PDE4D: variants seen among roughly 807,000 people sequenced by gnomAD.
PDE4D encodes phosphodiesterase 4D, also known as 3',5'-cyclic-AMP phosphodiesterase 4D.
In PDE4D, 24 loss-of-function variants were observed where a neutral mutation model predicts 87.4. The ratio of observed to expected loss-of-function variants is 0.27; its 90% confidence interval spans 0.20 to 0.39. The LOEUF is 0.39. Among genes scored for constraint, PDE4D ranks in the 10% least tolerant of loss-of-function variants. The pLI, the probability that PDE4D is intolerant of heterozygous loss-of-function variation, is 1.00. For missense variants in PDE4D, 714 were observed against 1,041.0 expected (o/e 0.69, Z 4.32); for synonymous variants, 384 against 383.2 (o/e 1.00, Z -0.02).
At chr5:60,474,105 C>CATATATATATATGTGTATAT (rs1491252291) in intron 1 of PDE4D, among the ~76,000 whole-genome samples, 17 of 30,998 alleles carry the variant, frequency 5.5e-4, no homozygotes, top group East Asian at 2.2e-3. Context: ...TTTGAGCTGC[C>CATATATATATATGTGTATAT]ATATATATAT....
chr5:59,120,816 A>AACAG (rs760748279), intron 5 of PDE4D, among the ~76,000 whole-genome samples: 2 of 152,230 alleles, frequency 1.3e-5, no homozygotes, highest in Non-Finnish European at 2.9e-5. Context: ...ATGGTATAAA[A>AACAG]ACAGACACAT....
At chr5:60,286,428 C>G (rs1287459626) in intron 1 of PDE4D, among the ~76,000 whole-genome samples, 1 of 152,156 alleles carries the variant, frequency 6.6e-6, no homozygotes, top group East Asian at 1.9e-4. Context: ...TAAAGATAGA[C>G]AGACATTTGT....
chr5:60,218,594 C>T (rs1345501365), intron 1 of PDE4D, among the ~76,000 whole-genome samples: 1 of 151,898 alleles, frequency 6.6e-6, no homozygotes, highest in Non-Finnish European at 1.5e-5. Flanking sequence ...AGTGTAAGAG[C>T]CCAGAAGAGA....
chr5:59,893,214 T>TCAGGC lies in PDE4D; in HGVS notation c.404_408dup (p.Lys137AlafsTer2). ...GAGGGCCAGGACATCCTGGATTTCT[T>TCAGGC]CAGGCCGGGCCGGTGGCCGGTCTCC... On this transcript the variant is annotated frameshift_variant, in exon 1 of 15. Transcript: ENST00000340635. LOFTEE classifies it high-confidence loss of function. The TCAGGC allele has an allele frequency of 6.4e-7, 1 of 1,563,776 alleles. No homozygotes were observed. The highest frequency in any genetic ancestry group is 8.7e-7 in the Non-Finnish European group (1 of 1,153,824).
intron 1 of PDE4D, among the ~76,000 whole-genome samples, chr5:59,611,569 G>T (rs997175356): frequency 3.3e-5 from 5 of 152,120 alleles, no homozygotes; most frequent in Admixed American, 2.6e-4. Flanking sequence ...CTTCTTAAGG[G>T]CAGGGTTTAC....
intron 1 of PDE4D, among the ~76,000 whole-genome samples, chr5:59,378,663 G>T (rs951726795): frequency 6.6e-6 from 1 of 152,186 alleles, no homozygotes; most frequent in Admixed American, 6.5e-5. Flanking sequence ...CAACATTTTA[G>T]AGGATAATTC....
At chr5:59,880,148 C>T (rs1358928608) in intron 1 of PDE4D, among the ~76,000 whole-genome samples, 1 of 152,056 alleles carries the variant, frequency 6.6e-6, no homozygotes, top group Non-Finnish European at 1.5e-5. Flanking sequence ...TTTGCCCAGG[C>T]TGGATTGCGC....
intron 2 of PDE4D, among the ~76,000 whole-genome samples, chr5:60,125,116 A>G (rs894274160): frequency 2.6e-5 from 4 of 152,190 alleles, no homozygotes; most frequent in African/African-American, 9.6e-5. Flanking sequence ...TACCCAAATT[A>G]GATTTGTAAA....
chr5:59,690,945 T>G (rs983536057), intron 1 of PDE4D, among the ~76,000 whole-genome samples: 17 of 152,322 alleles, frequency 1.1e-4, no homozygotes, highest in Non-Finnish European at 2.1e-4. Flanking sequence ...AAGACATTTA[T>G]GCAGCCAACA....
intron 1 of PDE4D, among the ~76,000 whole-genome samples, chr5:59,308,655 G>C (rs921934445): frequency 6.6e-6 from 1 of 151,904 alleles, no homozygotes; most frequent in African/African-American, 2.4e-5. Context: ...TCTGGTGCAG[G>C]GGGTAGGGGT....
chr5:60,320,195 C>A (rs939779940), intron 1 of PDE4D, among the ~76,000 whole-genome samples: 1 of 152,222 alleles, frequency 6.6e-6, no homozygotes, highest in African/African-American at 2.4e-5. Flanking sequence ...GAGCCCCTCC[C>A]CCAGCCTTGC....
chr5:59,166,638 A>C (rs1257274550), intron 5 of PDE4D, among the ~76,000 whole-genome samples: 1 of 152,222 alleles, frequency 6.6e-6, no homozygotes, highest in Admixed American at 6.5e-5. Context: ...TTGCCTTAAA[A>C]GTCCATGTGA....
intron 1 of PDE4D, among the ~76,000 whole-genome samples, chr5:59,889,059 T>G (rs1021574080): frequency 2.0e-5 from 3 of 151,712 alleles, no homozygotes; most frequent in Non-Finnish European, 2.9e-5. Flanking sequence ...AAGCTCCATC[T>G]CTACTAAAAA....
chr5:59,087,425 G>T (rs1767909570), intron 5 of PDE4D, among the ~76,000 whole-genome samples: 1 of 152,082 alleles, frequency 6.6e-6, no homozygotes, highest in African/African-American at 2.4e-5. Flanking sequence ...GGTCAAGGCT[G>T]CAATGAGCCA....
chr5:59,574,630 C>T (rs1389164728), intron 1 of PDE4D, among the ~76,000 whole-genome samples: 1 of 152,082 alleles, frequency 6.6e-6, no homozygotes, highest in African/African-American at 2.4e-5. Context: ...GTATGAAACC[C>T]TCGAATGCTT....
At chr5:59,065,194 A>G (rs533511105) in intron 5 of PDE4D, among the ~76,000 whole-genome samples, 3 of 151,990 alleles carry the variant, frequency 2.0e-5, no homozygotes, top group African/African-American at 7.2e-5. Flanking sequence ...GTTGGATGGA[A>G]CTGGAGGACA....
intron 5 of PDE4D, among the ~76,000 whole-genome samples, chr5:59,065,123 CATAT>C (rs1314485717): frequency 1.5e-5 from 2 of 136,422 alleles, no homozygotes; most frequent in African/African-American, 5.9e-5. Flanking sequence ...CACACACACA[CATAT>C]ACAATGAAAT....
intron 1 of PDE4D, among the ~76,000 whole-genome samples, chr5:59,404,148 T>C (rs1338951787): frequency 1.3e-5 from 2 of 152,194 alleles, no homozygotes; most frequent in Non-Finnish European, 2.9e-5. Context: ...TTTAATTGGA[T>C]TATCAGATTT....
At chr5:59,684,458 T>G (rs1749532921) in intron 1 of PDE4D, among the ~76,000 whole-genome samples, 1 of 152,178 alleles carries the variant, frequency 6.6e-6, no homozygotes, top group Non-Finnish European at 1.5e-5. Context: ...CAAGAATTTT[T>G]GAATTACAAA....
Sources: allele counts gnomAD v4.1 joint callset (sites outside exome capture counted in the v4.1 genomes callset), GRCh38; gene constraint gnomAD v4.1.1; transcripts MANE v1.5; gene names NCBI Gene and HGNC (gene_info 2026-07-23, HGNC 2026-07-21).